CCDC171: variants seen among roughly 807,000 people sequenced by gnomAD.
The protein encoded by CCDC171 is coiled-coil domain-containing protein 171.
CCDC171 carries 177 observed loss-of-function variants against 168.2 expected under a neutral mutation model. That is an observed-to-expected ratio of 1.05 (90% CI 0.93 to 1.19). The LOEUF (loss-of-function observed/expected upper bound fraction) is 1.19, where lower values mean the gene tolerates loss of function less well. Ranked by LOEUF, CCDC171 falls within the 50% of genes most tolerant of loss-of-function variation. The pLI is 0.00. For synonymous variants in CCDC171, 687 were observed against 540.8 expected, an observed-to-expected ratio of 1.27 and a Z score of -3.75; for missense variants, 1,991 against 1,539.0, an observed-to-expected ratio of 1.29 and a Z score of -4.91.
chr9:16,106,806 G>A, the CCDC171 span, among the ~76,000 whole-genome samples: 1 of 152,136 alleles, frequency 6.6e-6, no homozygotes, highest in East Asian at 1.9e-4. Context: ...GAGGCTTTTT[G>A]GGATTAGGCC....
In CCDC171 at chr9:16,059,675, C is replaced by T. The variant is rs1285522963; in HGVS notation, n.90-971C>T. Reference sequence around the variant, plus strand: ...GACTACAGGCGCCCGCCACCGCGCCCGGCTAATTTTTTGTATTTTTAGTAG... The same window carrying T: ...GACTACAGGCGCCCGCCACCGCGCCTGGCTAATTTTTTGTATTTTTAGTAG... On this transcript the variant is annotated intron_variant and non_coding_transcript_variant, in intron 1 of 1. Coordinates refer to the CCDC171 transcript ENST00000478913. Among the ~76,000 whole-genome samples the T allele has an allele frequency of 2.3e-4, 35 of 150,020 alleles. No homozygotes were observed. The East Asian group carries it at 2.3e-3, about 10-fold the overall frequency.
At chr9:15,742,077 CT>C (rs5896677) in intron 16 of CCDC171, among the ~76,000 whole-genome samples, 1 of 151,696 alleles carries the variant, frequency 6.6e-6, no homozygotes, top group South Asian at 2.1e-4. Flanking sequence ...CTGTAATTTT[CT>C]TTTTTTTCTC....
chr9:15,942,382 G>T (rs1366600760), intron 25 of CCDC171, among the ~76,000 whole-genome samples: 1 of 151,834 alleles, frequency 6.6e-6, no homozygotes, highest in East Asian at 1.9e-4. Context: ...TATTAATAAG[G>T]TCGTCTGGTA....
Position 15,744,759 on chromosome 9 carries a change from G to A in CCDC171, c.2536G>A (p.Asp846Asn). Residue 846 changes from aspartate (D) to asparagine (N), a missense_variant, in exon 17 of 26, where the codon GAC (aspartate) becomes AAC (asparagine). Asp to Asn is a conservative substitution (Grantham distance 23, BLOSUM62 1). Transcript: ENST00000380701. ...GTTAGTGTGCACAGGAGAGCCCCAA[G>A]ACAAGCATAAATTTCCAAGTAAGAT... ...GMLVCTGEPQ[D>N]KHKFPKHQKE... 1.2e-6 allele frequency: 2 copies of A among 1,606,730 alleles called. No homozygotes were observed. The highest frequency in any genetic ancestry group is 1.7e-6 in the Non-Finnish European group (2 of 1,176,714).
intron 24 of CCDC171, among the ~76,000 whole-genome samples, chr9:15,902,798 A>G (rs1039744054): frequency 5.3e-5 from 8 of 152,306 alleles, no homozygotes; most frequent in African/African-American, 1.9e-4. Flanking sequence ...GAAAGGGGTG[A>G]CGGACGGCAC....
At chr9:15,583,166 C>G (rs2131313122) in intron 4 of CCDC171, among the ~76,000 whole-genome samples, 1 of 152,172 alleles carries the variant, frequency 6.6e-6, no homozygotes, top group East Asian at 1.9e-4. Context: ...CCTGTAATCC[C>G]AGCACTTTGG....
At chr9:15,959,819 A>T (rs181655641) in intron 25 of CCDC171, among the ~76,000 whole-genome samples, 2 of 152,244 alleles carry the variant, frequency 1.3e-5, no homozygotes, top group African/African-American at 4.8e-5. Context: ...GGACTCTTAG[A>T]AAAAGGGCCT....
At chr9:15,755,754 G>C (rs1285950878) in intron 18 of CCDC171, among the ~76,000 whole-genome samples, 1 of 152,152 alleles carries the variant, frequency 6.6e-6, no homozygotes, top group Non-Finnish European at 1.5e-5. Flanking sequence ...GACACATCTA[G>C]AGATAGAAAG....
chr9:15,627,027 T>C (rs1478851346), intron 7 of CCDC171, among the ~76,000 whole-genome samples: 1 of 152,230 alleles, frequency 6.6e-6, no homozygotes, highest in East Asian at 1.9e-4. Flanking sequence ...ATTCAACTTC[T>C]TCCTGGTTTA....
chr9:16,001,826 G>A lies in CCDC171; in HGVS notation n.369-18763G>A, dbSNP rs188784060. ...ATAAATGACTATGTTACTGGTTTAC[G>A]GATTTATTATCTTTTTTTTTTTTTT... is the stretch of plus-strand genomic sequence containing the variant. On this transcript the variant is annotated intron_variant and non_coding_transcript_variant, in intron 3 of 9. Coordinates refer to the CCDC171 transcript ENST00000486641. Among the ~76,000 whole-genome samples, 49 of 148,458 alleles carry A rather than the reference G, an allele frequency of 3.3e-4. No individual in the cohort carries two copies. In the East Asian group the frequency reaches 9.5e-3, roughly 29 times the overall value.
chr9:16,019,342 T>C (rs1021006399), intron 3 of CCDC171, among the ~76,000 whole-genome samples: 1 of 152,208 alleles, frequency 6.6e-6, no homozygotes, highest in Non-Finnish European at 1.5e-5. Flanking sequence ...CAAGTCCTGG[T>C]AAAAGTAAAT....
intron 7 of CCDC171, among the ~76,000 whole-genome samples, chr9:15,644,142 A>G (rs546413189): frequency 6.6e-6 from 1 of 152,344 alleles, no homozygotes; most frequent in East Asian, 1.9e-4. Context: ...TTGAGCAGCT[A>G]CCAAGCTGTT....
chr9:15,745,908 TTTA>T (rs2055240473), intron 18 of CCDC171, among the ~76,000 whole-genome samples: 1 of 152,194 alleles, frequency 6.6e-6, no homozygotes, highest in Non-Finnish European at 1.5e-5. Context: ...TCATCAGCTT[TTTA>T]TTAAGTAATA....
chr9:15,737,188 A>C (rs73416213), intron 16 of CCDC171, among the ~76,000 whole-genome samples: 7,956 of 152,138 alleles, frequency 0.052, 457 homozygotes, highest in South Asian at 0.16. Context: ...ATAAAAAACT[A>C]TATATGTTAT....
chr9:15,890,400 G>T (rs941994923), intron 24 of CCDC171, among the ~76,000 whole-genome samples: 1 of 152,102 alleles, frequency 6.6e-6, no homozygotes, highest in South Asian at 2.1e-4. Flanking sequence ...CCTATAAAAT[G>T]CTATTGTCAG....
At chr9:15,759,578 A>T (rs577132715) in intron 18 of CCDC171, among the ~76,000 whole-genome samples, 12 of 152,272 alleles carry the variant, frequency 7.9e-5, no homozygotes, top group Admixed American at 2.0e-4. Context: ...AGAGTTCCTC[A>T]GTCTTTTCTT....
intron 3 of CCDC171, among the ~76,000 whole-genome samples, chr9:16,017,048 A>G (rs1032123368): frequency 6.6e-6 from 1 of 152,170 alleles, no homozygotes; most frequent in African/African-American, 2.4e-5. Context: ...TGGGGCAGGG[A>G]ATGATGAACT....
chr9:15,969,935 A>C (rs1831178418), intron 25 of CCDC171, among the ~76,000 whole-genome samples: 1 of 152,214 alleles, frequency 6.6e-6, no homozygotes, highest in African/African-American at 2.4e-5. Context: ...CAGGCCCAGC[A>C]TTAAGGTTCT....
intron 21 of CCDC171, among the ~76,000 whole-genome samples, chr9:15,809,465 G>T (rs12003092): frequency 0.012 from 1,809 of 152,354 alleles, 36 homozygotes; most frequent in African/African-American, 0.04. Flanking sequence ...AGTTCTTAAA[G>T]ATGGTGTGTC....
Sources: gnomAD v4.1 joint callset for allele counts (sites outside exome capture counted in the v4.1 genomes callset) on GRCh38, gnomAD v4.1.1 for gene constraint, MANE v1.5 for transcripts, NCBI Gene and HGNC (gene_info 2026-07-23, HGNC 2026-07-21) for gene names.